DAPK1: variants seen among roughly 807,000 people sequenced by gnomAD.
DAPK1 encodes the protein death associated protein kinase 1.
In DAPK1, 56 loss-of-function variants were observed where a neutral mutation model predicts 144.9. That is an observed-to-expected ratio of 0.39 (90% confidence interval 0.31 to 0.48). The LOEUF is 0.48. Ranked by LOEUF, DAPK1 falls within the 20% of genes least tolerant of loss-of-function variation. DAPK1 has a pLI of 0.95. For missense variants in DAPK1, 1,454 were observed against 1,875.4 expected (o/e 0.78, Z 4.15); for synonymous variants, 690 against 749.0 (o/e 0.92, Z 1.29).
chr9:87,594,925 C>T (rs942006467), intron 2 of DAPK1, among the ~76,000 whole-genome samples: 5 of 152,140 alleles, frequency 3.3e-5, no homozygotes, highest in Non-Finnish European at 7.3e-5. Flanking sequence ...TGGGTCAATC[C>T]CAGGAAGGTC....
chr9:87,663,782 T>C (rs1587824546), intron 18 of DAPK1, among the ~76,000 whole-genome samples: 1 of 151,708 alleles, frequency 6.6e-6, no homozygotes, highest in East Asian at 1.9e-4. Context: ...CACACCAGGG[T>C]CCCTCCCTCC....
chr9:87,576,599 C>A (rs887462830), intron 2 of DAPK1, among the ~76,000 whole-genome samples: 1 of 152,140 alleles, frequency 6.6e-6, no homozygotes, highest in South Asian at 2.1e-4. Flanking sequence ...TCTCTATTTC[C>A]CAGGCTGGAG....
chr9:87,529,815 C>T, intron 2 of DAPK1, among the ~76,000 whole-genome samples: 1 of 152,206 alleles, frequency 6.6e-6, no homozygotes, highest in Non-Finnish European at 1.5e-5. Context: ...TGTCACCTGC[C>T]CCTAGAACAG....
intron 14 of DAPK1, chr9:87,648,515 T>G (rs1830340348): frequency 4.8e-6 from 2 of 418,452 alleles, no homozygotes; most frequent in Admixed American, 7.9e-5. Context: ...TGAGAACAGC[T>G]ATCATGGAAA....
intron 2 of DAPK1, among the ~76,000 whole-genome samples, chr9:87,522,994 T>C (rs10780849): frequency 0.32 from 48,242 of 152,118 alleles, 8,122 homozygotes; most frequent in Middle Eastern, 0.44. Context: ...TTTATGTTCA[T>C]GTTATGATTT....
intron 19 of DAPK1, among the ~76,000 whole-genome samples, chr9:87,677,637 C>T (rs529534165): frequency 2.0e-5 from 3 of 152,296 alleles, no homozygotes; most frequent in South Asian, 2.1e-4. Flanking sequence ...GAAGCAGACT[C>T]GGGCCGGTAC....
intron 2 of DAPK1, among the ~76,000 whole-genome samples, chr9:87,565,432 C>T (rs1376152738): frequency 6.6e-6 from 1 of 152,098 alleles, no homozygotes; most frequent in East Asian, 1.9e-4. Flanking sequence ...TTCCAATGCC[C>T]CCTATTTTAT....
In DAPK1 at chr9:87,639,407, C is replaced by T; in HGVS notation, c.477C>T (p.Ile159=). ...ATGTCCCCAAACCTCGGATCAAGAT[C>T]ATTGACTTTGGGTTGGCCCATAAAA... is the stretch of plus-strand genomic sequence containing the variant. The part of the protein sequence containing the change: ...DRNVPKPRIK[I]IDFGLAHKID... The change falls in exon 5 of 26, where the codon ATC becomes ATT. Residue 159 remains isoleucine (I), a synonymous_variant. Coordinates refer to ENST00000408954, the MANE Select transcript of DAPK1 (RefSeq NM_004938.4). 6.2e-7 allele frequency: 1 copy of T among 1,613,048 alleles called. No homozygotes were observed. The highest frequency in any genetic ancestry group is 8.5e-7 in the Non-Finnish European group (1 of 1,179,614).
Position 87,707,973 on chromosome 9 carries a change from C to A in DAPK1, c.*609C>A. On this transcript the variant is annotated 3_prime_UTR_variant, in exon 26 of 26. Coordinates refer to ENST00000408954, the MANE Select transcript of DAPK1 (RefSeq NM_004938.4). This position sits in a 1 kb window ranked among gnomAD's most constrained non-coding sequence, Gnocchi z 4.0. Reference sequence around the variant, plus strand: ...CACCAAGGAAACGCTACCTCTCTGTCCCTTGCTGTATGCTGATCATCGCCA... The same window carrying A: ...CACCAAGGAAACGCTACCTCTCTGTACCTTGCTGTATGCTGATCATCGCCA... 4.6e-6 allele frequency: 2 copies of A among 434,762 alleles called. No individual in the cohort carries two copies. Among genetic ancestry groups the A allele is most frequent in the Non-Finnish European group, 4.6e-6 (1 of 217,970 alleles). The allele number at this position is 434,762 out of a possible 1,614,324, so 26.9% of individuals were successfully genotyped here.
chr9:87,502,131 C>A (rs1228413932), intron 2 of DAPK1, among the ~76,000 whole-genome samples: 1 of 152,040 alleles, frequency 6.6e-6, no homozygotes, highest in Non-Finnish European at 1.5e-5. Flanking sequence ...TTTCTGTTTA[C>A]CAGCTTTGGG....
intron 2 of DAPK1, among the ~76,000 whole-genome samples, chr9:87,499,899 G>C (rs1288119980): frequency 2.0e-5 from 3 of 152,060 alleles, no homozygotes. Flanking sequence ...GAGTGTTTTG[G>C]GCTCTGGTCA....
At chr9:87,552,877 G>T (rs528049236) in intron 2 of DAPK1, among the ~76,000 whole-genome samples, 3 of 152,180 alleles carry the variant, frequency 2.0e-5, no homozygotes, top group African/African-American at 7.2e-5. Flanking sequence ...CAGGATTACA[G>T]GTGTGAGCCA....
Position 87,706,048 on chromosome 9 carries a change from A to T in DAPK1, c.3061-84A>T. On this transcript the variant is annotated intron_variant, in intron 25 of 25. Coordinates refer to ENST00000408954, the MANE Select transcript of DAPK1 (RefSeq NM_004938.4). The surrounding 1 kb of genome is among the most constrained non-coding windows in gnomAD (Gnocchi z 9.0). ...CATCTGCTCAGCCTCTGTTGCCGGCATCAGGCCCTTTAGTGCTCTAAGTGG... is the reference window on the plus strand; with the variant it reads ...CATCTGCTCAGCCTCTGTTGCCGGCTTCAGGCCCTTTAGTGCTCTAAGTGG... 1.0e-6 allele frequency: 1 copy of T among 994,650 alleles called. No individual in the cohort carries two copies. The allele number at this position is 994,650 out of a possible 1,614,324, so 61.6% of individuals were successfully genotyped here. A position where few individuals can be genotyped will look rare whatever the true frequency, so the allele number is the denominator to read the frequency against.
chr9:87,599,956 C>T (rs577638374), intron 2 of DAPK1, among the ~76,000 whole-genome samples: 3 of 152,308 alleles, frequency 2.0e-5, no homozygotes, highest in South Asian at 2.1e-4. Context: ...CAGCACATTA[C>T]GCATGCCTGA....
intron 3 of DAPK1, among the ~76,000 whole-genome samples, chr9:87,626,894 A>G (rs1829512297): frequency 6.6e-6 from 1 of 152,180 alleles, no homozygotes; most frequent in Non-Finnish European, 1.5e-5. Context: ...TCATATAAAA[A>G]GTTCCGGAGG....
chr9:87,596,770 G>A (rs1464594061), intron 2 of DAPK1, among the ~76,000 whole-genome samples: 2 of 152,212 alleles, frequency 1.3e-5, no homozygotes, highest in Non-Finnish European at 2.9e-5. Context: ...ATTCTTCAGT[G>A]CTGTTCTGCT....
At chr9:87,582,245 G>A (rs1253075364) in intron 2 of DAPK1, among the ~76,000 whole-genome samples, 2 of 152,138 alleles carry the variant, frequency 1.3e-5, no homozygotes, top group Non-Finnish European at 2.9e-5. Context: ...ACCAAGTGGT[G>A]AAAGCAAAGT....
rs534149986 is a variant in DAPK1, at chr9:87,653,377, T to C, written c.1824+1653T>C. 3.9e-4 allele frequency among the ~76,000 whole-genome samples: 59 copies of C among 152,388 alleles called. No homozygotes were observed. In the South Asian group the frequency reaches 0.012, roughly 32 times the overall value. On this transcript the variant is annotated intron_variant, in intron 17 of 25. Transcript: ENST00000408954. The stretch of plus-strand genomic sequence containing the variant: ...ACTTATATGGACATGTACTTTTTTA[T>C]AGCGTTTTGCCATCTTAAGTTGCAT...
intron 2 of DAPK1, among the ~76,000 whole-genome samples, chr9:87,501,476 C>T (rs1043153246): frequency 5.3e-5 from 8 of 151,892 alleles, no homozygotes; most frequent in African/African-American, 1.9e-4. Context: ...ACCTGGGAGG[C>T]GGAGGTTGCA....
Sources: allele counts gnomAD v4.1 joint callset (sites outside exome capture counted in the v4.1 genomes callset), GRCh38; gene constraint gnomAD v4.1.1; non-coding constraint Gnocchi (gnomAD v3.1); transcripts MANE v1.5; gene names NCBI Gene and HGNC (gene_info 2026-07-23, HGNC 2026-07-21).